Variants in EIF2AK1 observed in about 807,000 individuals in gnomAD.
EIF2AK1 encodes the protein eukaryotic translation initiation factor 2-alpha kinase 1.
EIF2AK1 carries 54 observed loss-of-function variants against 77.9 expected under a neutral mutation model. The ratio of observed to expected loss-of-function variants is 0.69; its 90% CI spans 0.56 to 0.87. The LOEUF is 0.87. Ranked by LOEUF, EIF2AK1 falls within the 40% of genes least tolerant of loss-of-function variation. The pLI is 0.00. For synonymous variants in EIF2AK1, 314 were observed against 290.5 expected (o/e 1.08, Z -0.82); for missense variants, 810 against 768.6 (o/e 1.05, Z -0.64).
intron 2 of EIF2AK1, among the ~76,000 whole-genome samples, chr7:6,051,799 A>C (rs1291171021): frequency 2.0e-5 from 3 of 152,154 alleles, no homozygotes; most frequent in African/African-American, 7.2e-5. Context: ...AAAAGAAAAA[A>C]GAAATAGAAA....
Position 6,024,260 on chromosome 7 carries a change from C to T in EIF2AK1, c.*413G>A, listed in dbSNP as rs1468010339. 4 of 1,215,556 alleles carry T rather than the reference C, an allele frequency of 3.3e-6. No individual in the cohort carries two copies. In the African/African-American group the frequency reaches 4.7e-5, roughly 14 times the overall value. 75.3% of individuals were successfully genotyped at this position (1,215,556 alleles called of 1,614,324 possible). ...TCCTTCAGGTAATGAACTTCAGCTG[C>T]AGTGTGAAAGGGGCAGGAAGACTGG... On this transcript the variant is annotated 3_prime_UTR_variant, in exon 15 of 15. Coordinates refer to ENST00000199389, the MANE Select transcript of EIF2AK1 (RefSeq NM_014413.4).
chr7:6,034,032 T>G (rs1018053405), intron 11 of EIF2AK1, among the ~76,000 whole-genome samples: 2 of 149,518 alleles, frequency 1.3e-5, no homozygotes, highest in African/African-American at 4.9e-5. Context: ...AATTAAGTAG[T>G]ATAGGCCGGG....
At position 6,048,814 on chromosome 7, in the gene EIF2AK1, T is replaced by G; in HGVS notation, c.442A>C (p.Lys148Gln). Reference sequence around the variant, plus strand: ...AAAGTTTTTCACACATACCTGATTTTCTGGATACGAGAAATATCCTCACAA... The same window carrying G: ...AAAGTTTTTCACACATACCTGATTTGCTGGATACGAGAAATATCCTCACAA... ...DPCEDISRIQ[K>Q]IRSREVALEA... The change falls in exon 4 of 15, where the codon AAA becomes CAA. Residue 148 changes from lysine to glutamine, a missense_variant. By Grantham distance (53) the Lys-to-Gln change is moderately conservative. This residue lies in a region of EIF2AK1 where 246 missense variants were observed against 199.0 expected (regional missense o/e 1.24). Coordinates refer to ENST00000199389, the MANE Select transcript of EIF2AK1 (RefSeq NM_014413.4). 1.3e-6 allele frequency: 2 copies of G among 1,586,198 alleles called. No homozygotes were observed. The highest frequency in any genetic ancestry group is 1.7e-6 in the Non-Finnish European group (2 of 1,172,360).
At position 6,032,697 on chromosome 7, in the gene EIF2AK1, A is replaced by C. The variant is rs1426171652; in HGVS notation, c.1333-3665T>G. The C allele has an allele frequency of 1.8e-6, 1 of 570,640 alleles. No individual in the cohort carries two copies. The highest frequency in any genetic ancestry group is 3.0e-6 in the Non-Finnish European group (1 of 334,460). The allele number at this position is 570,640 out of a possible 1,614,324, so 35.3% of individuals were successfully genotyped here. A position where few individuals can be genotyped will look rare whatever the true frequency, so the allele number is the denominator to read the frequency against. On this transcript the variant is annotated intron_variant, in intron 11 of 14. Transcript: ENST00000199389. This position sits in a 1 kb window ranked among gnomAD's most constrained non-coding sequence, Gnocchi z 4.3. ...TCATTTAAAACAGGTAGTAGAAAGG[A>C]AACTTTCAATGCACATACCAGAAAA...
In EIF2AK1 at chr7:6,055,063, C is replaced by A. The variant is rs571127026; in HGVS notation, c.119-359G>T. ...AAGAAAGAAGTTAGGCAGAGGATGG[C>A]CGGGCGCGGTTGTTCATGCCTGTAA... On this transcript the variant is annotated intron_variant, in intron 1 of 14. Coordinates refer to ENST00000199389, the MANE Select transcript of EIF2AK1 (RefSeq NM_014413.4). Among the ~76,000 whole-genome samples the A allele has an allele frequency of 2.4e-3, 359 of 152,192 alleles. 1 individual carries two copies. Among genetic ancestry groups the A allele is most frequent in the Non-Finnish European group, 4.1e-3 (281 of 68,012 alleles).
intron 4 of EIF2AK1, 73 bp downstream of exon 4, chr7:6,048,734 C>G (rs1788514326): frequency 8.1e-7 from 1 of 1,234,704 alleles, no homozygotes. Context: ...ATGTTTTAAC[C>G]TCAAATCAGT....
At chr7:6,042,869 A>G in intron 8 of EIF2AK1, 64 bp downstream of exon 8, 1 of 1,477,104 alleles carries the variant, frequency 6.8e-7, no homozygotes, top group Non-Finnish European at 9.4e-7. Context: ...CTGTCGCCAA[A>G]AAAAAGAACA....
In EIF2AK1 at chr7:6,032,227, T is replaced by G. The variant is rs1490088331; in HGVS notation, c.1333-3195A>C. Among the ~76,000 whole-genome samples, 1 of 152,128 alleles carries G rather than the reference T, an allele frequency of 6.6e-6. No homozygotes were observed. Among genetic ancestry groups the G allele is most frequent in the Non-Finnish European group, 1.5e-5 (1 of 68,010 alleles). On this transcript the variant is annotated intron_variant, in intron 11 of 14. Transcript: ENST00000199389. This position sits in a 1 kb window ranked among gnomAD's most constrained non-coding sequence, Gnocchi z 4.3. ...CCCTTTTTAATATATACATTTTCAT[T>G]TTCTAAATTTTTATACAATGATTAT...
chr7:6,046,294 G>A, intron 5 of EIF2AK1, 143 bp from the exon 6 acceptor site: 1 of 438,620 alleles, frequency 2.3e-6, no homozygotes, highest in Non-Finnish European at 4.0e-6. Context: ...ACTATGTTCA[G>A]GGAAGTCAGC....
At chr7:6,056,870 T>C (rs1359786052) in intron 1 of EIF2AK1, among the ~76,000 whole-genome samples, 2 of 151,636 alleles carry the variant, frequency 1.3e-5, no homozygotes, top group Non-Finnish European at 2.9e-5. Context: ...TACTGAGCTA[T>C]AATATACCAC....
At chr7:6,040,670 G>A (rs980174312) in intron 9 of EIF2AK1, among the ~76,000 whole-genome samples, 2 of 152,292 alleles carry the variant, frequency 1.3e-5, no homozygotes, top group Middle Eastern at 3.4e-3. Context: ...ATCTGAAGCT[G>A]TAAATGGCCA....
At position 6,024,531 on chromosome 7, in the gene EIF2AK1, G is replaced by A. The variant is rs886323804; in HGVS notation, c.*142C>T. 3.0e-5 allele frequency: 44 copies of A among 1,464,900 alleles called. No homozygotes were observed. Among genetic ancestry groups the A allele is most frequent in the Admixed American group, 1.3e-4 (5 of 37,404 alleles). 90.7% of individuals were successfully genotyped at this position (1,464,900 alleles called of 1,614,324 possible). On this transcript the variant is annotated 3_prime_UTR_variant, in exon 15 of 15. Transcript: ENST00000199389. ...GGAGCTTGTGGGGCAGGAAGGGAAG[G>A]AACGGCAGCTTGGGGCACTCTGACA...
chr7:6,047,628 A>T (rs1172118003), intron 4 of EIF2AK1: 1 of 162,230 alleles, frequency 6.2e-6, no homozygotes, highest in African/African-American at 2.4e-5. Flanking sequence ...AGCCGAGATT[A>T]TGCCACTGCA....
chr7:6,025,322 C>T (rs747341210), intron 14 of EIF2AK1, among the ~76,000 whole-genome samples: 10 of 152,054 alleles, frequency 6.6e-5, no homozygotes, highest in Non-Finnish European at 1.2e-4. Flanking sequence ...TAGCTCACAC[C>T]GGCTAATTTT....
intron 14 of EIF2AK1, 89 bp downstream of exon 14, chr7:6,026,639 T>C (rs1787754792): frequency 1.9e-6 from 2 of 1,047,064 alleles, no homozygotes; most frequent in African/African-American, 1.6e-5. Context: ...AGCCCCAGCC[T>C]CCGGGGGCAC....
intron 4 of EIF2AK1, 135 bp from the exon 5 acceptor site, chr7:6,047,226 C>T: frequency 1.0e-6 from 1 of 952,444 alleles, no homozygotes; most frequent in Non-Finnish European, 1.7e-6. Context: ...AAAGGATGGG[C>T]TAAAATGAAA....
chr7:6,044,941 G>GT (rs1214971844), intron 6 of EIF2AK1, among the ~76,000 whole-genome samples: 1 of 152,054 alleles, frequency 6.6e-6, no homozygotes, highest in African/African-American at 2.4e-5. Flanking sequence ...GGTAGGCAGG[G>GT]TAAGCTATAA....
rs909201219 is a variant in EIF2AK1, at chr7:6,023,715, G to A, written c.*958C>T. The stretch of plus-strand genomic sequence containing the variant: ...GAATTGCCGTAACTGATTTTAAAGG[G>A]TTTAGATTTTAAGAATGGTGCTCTT... On this transcript the variant is annotated 3_prime_UTR_variant, in exon 15 of 15. Coordinates refer to ENST00000199389, the MANE Select transcript of EIF2AK1 (RefSeq NM_014413.4). 6.2e-7 allele frequency: 1 copy of A among 1,614,144 alleles called. No individual in the cohort carries two copies. Among genetic ancestry groups the A allele is most frequent in the Non-Finnish European group, 8.5e-7 (1 of 1,180,032 alleles).
intron 9 of EIF2AK1, among the ~76,000 whole-genome samples, chr7:6,039,108 TTGTC>T (rs1468469298): frequency 6.6e-6 from 1 of 152,182 alleles, no homozygotes; most frequent in Admixed American, 6.5e-5. Flanking sequence ...TATATATACT[TTGTC>T]TGGCTTCACG....
Sources: allele counts gnomAD v4.1 joint callset (sites outside exome capture counted in the v4.1 genomes callset), GRCh38; gene constraint gnomAD v4.1.1; regional missense constraint gnomAD v4.1.1; non-coding constraint Gnocchi (gnomAD v3.1); transcripts MANE v1.5; gene names NCBI Gene and HGNC (gene_info 2026-07-23, HGNC 2026-07-21).